Variants in PBX3 observed in about 807,000 individuals in gnomAD.
The protein encoded by PBX3 is PBX homeobox 3.
A neutral mutation model predicts 48.5 loss-of-function variants in PBX3; 14 were observed. The observed-to-expected ratio is 0.29, with a 90% confidence interval of 0.19 to 0.45. The LOEUF (loss-of-function observed/expected upper bound fraction) is 0.45. Ranked by LOEUF, PBX3 falls within the 20% of genes least tolerant of loss-of-function variation. The pLI, the probability that PBX3 is intolerant of heterozygous loss-of-function variation, is 1.00. For synonymous variants in PBX3, 210 were observed against 200.3 expected (o/e 1.05, Z -0.41); for missense variants, 386 against 546.7 (o/e 0.71, Z 2.93).
intron 2 of PBX3, among the ~76,000 whole-genome samples, chr9:125,889,943 G>A (rs1588264274): frequency 6.6e-6 from 1 of 151,158 alleles, no homozygotes; most frequent in Admixed American, 6.6e-5. Context: ...CCCCCGCGCC[G>A]GCGGCCCCGG....
intron 2 of PBX3, among the ~76,000 whole-genome samples, chr9:125,889,117 C>G (rs1197094502): frequency 6.6e-6 from 1 of 152,214 alleles, no homozygotes; most frequent in Non-Finnish European, 1.5e-5. Context: ...GCCCTATACA[C>G]CAGACACCTT....
intron 2 of PBX3, among the ~76,000 whole-genome samples, chr9:125,806,979 G>A (rs890778845): frequency 2.0e-5 from 3 of 152,202 alleles, no homozygotes; most frequent in African/African-American, 7.2e-5. Flanking sequence ...AAACCTTTAA[G>A]TTATTAGAAA....
chr9:125,861,297 TC>T (rs200388689), intron 2 of PBX3, among the ~76,000 whole-genome samples: 6,118 of 151,290 alleles, frequency 0.04, 296 homozygotes, highest in East Asian at 0.17. Context: ...AGACCCTGTC[TC>T]CAAATAATAA....
chr9:125,813,231 A>G (rs1232255130), intron 2 of PBX3, among the ~76,000 whole-genome samples: 2 of 151,860 alleles, frequency 1.3e-5, no homozygotes, highest in East Asian at 1.9e-4. Context: ...TTTTTTTTAT[A>G]TCCGTATTCT....
chr9:125,960,066 C>T (rs1002593057), intron 5 of PBX3, among the ~76,000 whole-genome samples: 1 of 151,980 alleles, frequency 6.6e-6, no homozygotes, highest in East Asian at 1.9e-4. Context: ...TAGAGTTGCT[C>T]CTCTGTGTTT....
At chr9:125,763,900 GA>G (rs1374803401) in intron 2 of PBX3, among the ~76,000 whole-genome samples, 3 of 152,158 alleles carry the variant, frequency 2.0e-5, no homozygotes, top group Non-Finnish European at 1.5e-5. Flanking sequence ...AGATTAGATA[GA>G]TTTTTTTGTG....
chr9:125,767,662 G>C (rs879419503), intron 2 of PBX3, among the ~76,000 whole-genome samples: 1 of 152,154 alleles, frequency 6.6e-6, no homozygotes, highest in Non-Finnish European at 1.5e-5. Flanking sequence ...ATCATTCATG[G>C]ATCCCTCATG....
chr9:125,944,046 G>A (rs1450534279), intron 5 of PBX3, among the ~76,000 whole-genome samples: 1 of 152,256 alleles, frequency 6.6e-6, no homozygotes, highest in Non-Finnish European at 1.5e-5. Context: ...TGACAGGGTA[G>A]AGAGTGGATA....
At chr9:125,865,025 TAACA>T (rs1356569451) in intron 2 of PBX3, among the ~76,000 whole-genome samples, 1 of 152,256 alleles carries the variant, frequency 6.6e-6, no homozygotes, top group Non-Finnish European at 1.5e-5. Context: ...ACATAAAGAC[TAACA>T]TTTATTGTGC....
intron 2 of PBX3, among the ~76,000 whole-genome samples, chr9:125,799,307 G>A (rs564809529): frequency 3.9e-5 from 6 of 152,294 alleles, no homozygotes; most frequent in Admixed American, 3.9e-4. Flanking sequence ...GAGTCTAGGA[G>A]TTTGAGACCA....
rs1215821714 is a variant in PBX3 at position 125,907,409 on chromosome 9, A to G, written c.275-8277A>G. ...AGATTATAATGTTCCATTTTCACCA[A>G]TGATATGAAGTAACTACTTATTTGA... is the stretch of plus-strand genomic sequence containing the variant. On this transcript the variant is annotated intron_variant, in intron 2 of 8. Transcript: ENST00000373489. Among the ~76,000 whole-genome samples, 3 of 152,066 alleles carry G rather than the reference A, an allele frequency of 2.0e-5. No individual in the cohort carries two copies. In the South Asian group the frequency reaches 6.2e-4, roughly 31 times the overall value.
At chr9:125,810,172 A>ACC (rs1442609418) in intron 2 of PBX3, among the ~76,000 whole-genome samples, 1 of 151,692 alleles carries the variant, frequency 6.6e-6, no homozygotes, top group Admixed American at 6.6e-5. Context: ...CTACTAAGTC[A>ACC]CCCCTCCCTA....
chr9:125,959,375 T>C (rs1381415138), intron 5 of PBX3, among the ~76,000 whole-genome samples: 1 of 152,244 alleles, frequency 6.6e-6, no homozygotes, highest in East Asian at 1.9e-4. Context: ...TCGGCAAGTA[T>C]GCCTGCATGT....
intron 4 of PBX3, among the ~76,000 whole-genome samples, chr9:125,931,440 G>A (rs1449194890): frequency 6.6e-6 from 1 of 152,072 alleles, no homozygotes; most frequent in African/African-American, 2.4e-5. Context: ...GTAGCTGGGA[G>A]GCATTTGCCA....
At chr9:125,910,310 A>G (rs1292986252) in intron 2 of PBX3, among the ~76,000 whole-genome samples, 1 of 152,124 alleles carries the variant, frequency 6.6e-6, no homozygotes, top group African/African-American at 2.4e-5. Context: ...ACAGGATTAC[A>G]TGTCAGTTCT....
intron 5 of PBX3, among the ~76,000 whole-genome samples, chr9:125,947,561 A>G (rs915338637): frequency 6.6e-6 from 1 of 151,994 alleles, no homozygotes; most frequent in East Asian, 1.9e-4. Flanking sequence ...ACATAGAATA[A>G]TTTTTTTTAA....
chr9:125,805,552 G>C (rs1021830396), intron 2 of PBX3, among the ~76,000 whole-genome samples: 1 of 152,164 alleles, frequency 6.6e-6, no homozygotes, highest in Non-Finnish European at 1.5e-5. Context: ...GAGAGATGAT[G>C]GTGGCCTAGA....
intron 6 of PBX3, 125 bp from the exon 7 acceptor site, chr9:125,961,977 G>A (rs920083951): frequency 3.3e-5 from 17 of 517,242 alleles, no homozygotes; most frequent in African/African-American, 2.7e-4. Context: ...TCTTAGATCT[G>A]GAAATGCTTT....
intron 2 of PBX3, among the ~76,000 whole-genome samples, chr9:125,820,156 A>G (rs1838608008): frequency 6.6e-6 from 1 of 152,158 alleles, no homozygotes; most frequent in Non-Finnish European, 1.5e-5. Context: ...AATTGACCAC[A>G]CTGGATCTGT....
Sources: gnomAD v4.1 joint callset for allele counts (sites outside exome capture counted in the v4.1 genomes callset) on GRCh38, gnomAD v4.1.1 for gene constraint, MANE v1.5 for transcripts, NCBI Gene and HGNC (gene_info 2026-07-23, HGNC 2026-07-21) for gene names.